The following MED1 variants were observed in gnomAD, a reference collection of about 807,000 sequenced individuals.
MED1 encodes the protein mediator complex subunit 1.
A neutral mutation model predicts 121.3 loss-of-function variants in MED1; 17 were observed. That is an observed-to-expected ratio of 0.14 (90% CI 0.10 to 0.21). The LOEUF (loss-of-function observed/expected upper bound fraction) is 0.21. MED1 is among the 10% of genes least tolerant of loss of function. The probability of loss-of-function intolerance (pLI) is 1.00; values close to 1 mark genes in which losing one functional copy is unlikely to be tolerated. For missense variants in MED1, 1,558 were observed against 1,919.4 expected (o/e 0.81, Z 3.52); for synonymous variants, 661 against 694.4 (o/e 0.95, Z 0.76).
rs1441161406 is a variant in MED1 at position 39,451,098 on chromosome 17, G to A, written c.-36C>T. 1.9e-6 allele frequency: 3 copies of A among 1,606,758 alleles called. No homozygotes were observed. The highest frequency in any genetic ancestry group is 4.5e-5 in the East Asian group (2 of 43,972). ...AGGAGAAGCTAGATCCGCCACAAAA[G>A]GATAAGCCCTTCCCCACCACTAACG... On this transcript the variant is annotated 5_prime_UTR_variant, in exon 1 of 17. Transcript: ENST00000300651.
At position 39,406,079 on chromosome 17, in the gene MED1, G is replaced by A. The variant is rs140957852; in HGVS notation, c.*1396C>T. ...AATACTGAGAACTTCTGTTGCACTCGAAACAGTCTCCTGGATTTCTATATT... is the reference window on the plus strand; with the variant it reads ...AATACTGAGAACTTCTGTTGCACTCAAAACAGTCTCCTGGATTTCTATATT... On this transcript the variant is annotated 3_prime_UTR_variant, in exon 17 of 17. Coordinates refer to ENST00000300651, the MANE Select transcript of MED1 (RefSeq NM_004774.4). 5.1e-6 allele frequency: 5 copies of A among 985,336 alleles called. No homozygotes were observed. Among genetic ancestry groups the A allele is most frequent in the South Asian group, 4.7e-5 (1 of 21,294 alleles). 61.0% of individuals were successfully genotyped at this position (985,336 alleles called of 1,614,324 possible).
chr17:39,419,691 T>G (rs1169086301), intron 14 of MED1, 26 bp downstream of exon 14: 2 of 1,579,534 alleles, frequency 1.3e-6, no homozygotes, highest in Non-Finnish European at 1.7e-6. Flanking sequence ...CATCTTCCAG[T>G]AAGCATATCA....
chr17:39,444,666 C>T (rs1187099369), intron 2 of MED1, among the ~76,000 whole-genome samples: 9 of 151,678 alleles, frequency 5.9e-5, no homozygotes, highest in Admixed American at 4.6e-4. Flanking sequence ...GTCAGGAGTT[C>T]GAGACCAGCC....
chr17:39,415,862 C>T (rs1171763651), intron 14 of MED1, among the ~76,000 whole-genome samples: 5 of 144,782 alleles, frequency 3.5e-5, no homozygotes, highest in Non-Finnish European at 7.5e-5. Context: ...TGGTGGCGCA[C>T]ACCTGTAATC....
Position 39,414,961 on chromosome 17 carries a change from C to T in MED1, c.1499+65G>A, listed in dbSNP as rs537214342. The T allele has an allele frequency of 8.5e-5, 124 of 1,450,798 alleles. 1 individual carries two copies. The African/African-American group carries it at 1.6e-3, about 19-fold the overall frequency. The allele number at this position is 1,450,798 out of a possible 1,614,324, so 89.9% of individuals were successfully genotyped here. On this transcript the variant is annotated intron_variant, in intron 16 of 16. Transcript: ENST00000300651. ...GGGATTACAGGCGTGAGCCACCGCG[C>T]CCTACTCAACAACATTCTTTATACA...
At chr17:39,449,035 T>C (rs2048756497) in intron 1 of MED1, among the ~76,000 whole-genome samples, 1 of 151,404 alleles carries the variant, frequency 6.6e-6, no homozygotes, top group Non-Finnish European at 1.5e-5. Context: ...AGTACATCTT[T>C]CTTTTCTTTT....
intron 10 of MED1, among the ~76,000 whole-genome samples, chr17:39,425,742 C>T (rs1310267957): frequency 6.6e-6 from 1 of 151,024 alleles, no homozygotes; most frequent in East Asian, 2.0e-4. Flanking sequence ...GCGGAGGTTG[C>T]AGTGAGCCGA....
intron 7 of MED1, among the ~76,000 whole-genome samples, chr17:39,432,803 G>T (rs906646608): frequency 6.6e-6 from 1 of 151,590 alleles, no homozygotes; most frequent in Non-Finnish European, 1.5e-5. Flanking sequence ...GGTGGCTCAC[G>T]CCTGTAATCC....
chr17:39,444,830 T>C (rs1041789505), intron 2 of MED1, among the ~76,000 whole-genome samples: 1 of 151,834 alleles, frequency 6.6e-6, no homozygotes, highest in Admixed American at 6.6e-5. Context: ...GACCACACCA[T>C]TGCACTCCAA....
At chr17:39,413,152 G>A (rs1358948039) in intron 16 of MED1, among the ~76,000 whole-genome samples, 3 of 152,054 alleles carry the variant, frequency 2.0e-5, no homozygotes. Flanking sequence ...TCGGCTCACT[G>A]CAGCCTCCGC....
Position 39,434,217 on chromosome 17 carries a change from C to T in MED1, c.500+32G>A, listed in dbSNP as rs2048597179. 3 of 1,454,850 alleles carry T rather than the reference C, an allele frequency of 2.1e-6. No individual in the cohort carries two copies. The African/African-American group carries it at 4.4e-5, about 21-fold the overall frequency. 90.1% of individuals were successfully genotyped at this position (1,454,850 alleles called of 1,614,324 possible). A position where few individuals can be genotyped will look rare whatever the true frequency, so the allele number is the denominator to read the frequency against. ...GCTTATAGATTTATACTGATTTTTACAAACAAAAGCAAAAATATTAAAAAT... is the reference window on the plus strand; with the variant it reads ...GCTTATAGATTTATACTGATTTTTATAAACAAAAGCAAAAATATTAAAAAT... On this transcript the variant is annotated intron_variant, in intron 7 of 16. Coordinates refer to ENST00000300651, the MANE Select transcript of MED1 (RefSeq NM_004774.4).
At chr17:39,437,998 C>T (rs1293218328) in intron 6 of MED1, among the ~76,000 whole-genome samples, 1 of 151,734 alleles carries the variant, frequency 6.6e-6, no homozygotes, top group Non-Finnish European at 1.5e-5. Flanking sequence ...TGAGCCGAGA[C>T]CGCACCATTA....
intron 3 of MED1, among the ~76,000 whole-genome samples, chr17:39,442,974 A>T: frequency 6.8e-6 from 1 of 148,100 alleles, no homozygotes. Context: ...ATGTGAAGGG[A>T]AAAAAAACTT....
At chr17:39,447,363 C>T (rs1257194244) in intron 2 of MED1, among the ~76,000 whole-genome samples, 1 of 150,660 alleles carries the variant, frequency 6.6e-6, no homozygotes, top group Non-Finnish European at 1.5e-5. Flanking sequence ...TACAACCCAG[C>T]CTGGGCAACA....
intron 16 of MED1, among the ~76,000 whole-genome samples, chr17:39,413,251 TTTTA>T (rs1293692942): frequency 9.2e-5 from 14 of 152,016 alleles, no homozygotes; most frequent in Non-Finnish European, 1.8e-4. Context: ...ATTTTTATAT[TTTTA>T]TTTATTTAGT....
rs972741024 is a variant in MED1 at position 39,410,199 on chromosome 17, G to T, written c.2022C>A (p.Gly674=). 6.2e-7 allele frequency: 1 copy of T among 1,613,896 alleles called. No individual in the cohort carries two copies. The highest frequency in any genetic ancestry group is 1.3e-5 in the African/African-American group (1 of 74,856). Residue 674 remains glycine (G), a synonymous_variant, in exon 17 of 17, where the codon GGC becomes GGA. Coordinates refer to ENST00000300651, the MANE Select transcript of MED1 (RefSeq NM_004774.4). ...SPLERQNSSS[G]SPRMEICSGS... ...CCGAGCATATTTCCATGCGGGGTGA[G>T]CCGGAAGAGGAGTTCTGCCTTTCTA...
In MED1 at chr17:39,451,220, A is replaced by G; in HGVS notation, c.-158T>C. The G allele has an allele frequency of 3.7e-6, 3 of 800,324 alleles. 1 individual carries two copies. The highest frequency in any genetic ancestry group is 5.1e-4 in the Middle Eastern group (2 of 3,922). The allele number at this position is 800,324 out of a possible 1,614,324, so 49.6% of individuals were successfully genotyped here. On this transcript the variant is annotated 5_prime_UTR_variant, in exon 1 of 17. Transcript: ENST00000300651. The stretch of plus-strand genomic sequence containing the variant: ...ATCTGAAGTCCCCGGCGGCAAGAAG[A>G]GAAGGGTGCTCGAGGCCGCCGCCAT...
At chr17:39,443,756 TG>T in intron 2 of MED1, 128 bp from the exon 3 acceptor site, 2 of 711,890 alleles carry the variant, frequency 2.8e-6, no homozygotes, top group Non-Finnish European at 4.9e-6. Context: ...CTATAGATTT[TG>T]TAGACTATAT....
intron 9 of MED1, among the ~76,000 whole-genome samples, chr17:39,430,635 G>A (rs1022524811): frequency 4.0e-5 from 6 of 149,872 alleles, no homozygotes; most frequent in Non-Finnish European, 5.9e-5. Context: ...GGAGCTTGCA[G>A]TGAGCTGAGA....
Sources: allele counts gnomAD v4.1 joint callset (sites outside exome capture counted in the v4.1 genomes callset), GRCh38; gene constraint gnomAD v4.1.1; transcripts MANE v1.5; gene names NCBI Gene and HGNC (gene_info 2026-07-23, HGNC 2026-07-21).